Variants in OLFM2 observed in about 807,000 individuals in gnomAD.
OLFM2 encodes the protein olfactomedin 2.
A neutral mutation model predicts 43.9 loss-of-function variants in OLFM2; 20 were observed. The ratio of observed to expected loss-of-function variants is 0.46; its 90% confidence interval spans 0.32 to 0.66. The LOEUF (loss-of-function observed/expected upper bound fraction) is 0.66. Ranked by LOEUF, OLFM2 falls within the 30% of genes least tolerant of loss-of-function variation. The pLI, the probability that OLFM2 is intolerant of heterozygous loss-of-function variation, is 0.04. For synonymous variants in OLFM2, 268 were observed against 278.6 expected (o/e 0.96, Z 0.38); for missense variants, 416 against 643.6 (o/e 0.65, Z 3.83).
chr19:9,922,582 A>C (rs2086427871), intron 1 of OLFM2, among the ~76,000 whole-genome samples: 1 of 152,054 alleles, frequency 6.6e-6, no homozygotes, highest in African/African-American at 2.4e-5. Flanking sequence ...TTTATAAATA[A>C]ACCCACAATG....
intron 1 of OLFM2, among the ~76,000 whole-genome samples, chr19:9,865,499 T>C (rs1488322229): frequency 7.4e-6 from 1 of 135,958 alleles, no homozygotes; most frequent in East Asian, 2.1e-4. Flanking sequence ...TTTTTTTTTT[T>C]TTTTTTTTTT....
chr19:9,904,451 A>T (rs970596223), intron 1 of OLFM2, among the ~76,000 whole-genome samples: 1 of 151,886 alleles, frequency 6.6e-6, no homozygotes, highest in African/African-American at 2.4e-5. Flanking sequence ...TCTGCCTCCC[A>T]AAGTGTTGGG....
chr19:9,867,308 T>C (rs544945663), intron 1 of OLFM2, among the ~76,000 whole-genome samples: 1 of 151,936 alleles, frequency 6.6e-6, no homozygotes, highest in South Asian at 2.1e-4. Flanking sequence ...GAGGCAGAGG[T>C]TGCAGTGAGC....
intron 1 of OLFM2, among the ~76,000 whole-genome samples, chr19:9,923,566 AAAAAGAAAG>A (rs1568387722): frequency 6.6e-6 from 1 of 151,342 alleles, no homozygotes; most frequent in African/African-American, 2.4e-5. Flanking sequence ...GGAAAAAAAA[AAAAAGAAAG>A]AAAAGAAAGA....
rs1018461262 is a variant in OLFM2, at chr19:9,880,671, T to C, written c.64-19877A>G. On this transcript the variant is annotated intron_variant, in intron 1 of 5. Coordinates refer to ENST00000264833, the MANE Select transcript of OLFM2 (RefSeq NM_058164.4). ...CACATAGGAAAAGACCACGTGAAGA[T>C]ACAGTAAGAAGGTGGCCACCTGCAA... is the stretch of plus-strand genomic sequence containing the variant. Among the ~76,000 whole-genome samples, 129 of 151,978 alleles carry C rather than the reference T, an allele frequency of 8.5e-4. 10 individuals carry two copies. Among genetic ancestry groups the C allele is most frequent in the Non-Finnish European group, 1.5e-5 (1 of 67,972 alleles).
At chr19:9,901,011 GAAGGAGGA>G (rs2046731628) in intron 1 of OLFM2, among the ~76,000 whole-genome samples, 2 of 52,032 alleles carry the variant, frequency 3.8e-5, no homozygotes, top group East Asian at 1.5e-3. Context: ...GGGAGGGAGG[GAAGGAGGA>G]AGGGAGGGAA....
At chr19:9,897,545 C>T (rs2144971857) in intron 1 of OLFM2, among the ~76,000 whole-genome samples, 1 of 152,140 alleles carries the variant, frequency 6.6e-6, no homozygotes, top group Admixed American at 6.6e-5. Flanking sequence ...TAAATAAATA[C>T]ACGAATGGAT....
chr19:9,887,819 G>A (rs2046601374), intron 1 of OLFM2, among the ~76,000 whole-genome samples: 1 of 152,086 alleles, frequency 6.6e-6, no homozygotes, highest in South Asian at 2.1e-4. Flanking sequence ...GATCACTTGA[G>A]CCCAGGAGTT....
At chr19:9,914,443 A>G (rs2046858973) in intron 1 of OLFM2, among the ~76,000 whole-genome samples, 1 of 152,074 alleles carries the variant, frequency 6.6e-6, no homozygotes, top group African/African-American at 2.4e-5. Flanking sequence ...GGCGTGATCC[A>G]GGGCCAGCAG....
chr19:9,865,485 CTT>C (rs71188847), intron 1 of OLFM2, among the ~76,000 whole-genome samples: 2 of 73,640 alleles, frequency 2.7e-5, no homozygotes, highest in East Asian at 8.9e-4. Context: ...TCTGTTTTTT[CTT>C]TTTTTTTTTT....
At chr19:9,910,263 AT>A (rs1250427679) in intron 1 of OLFM2, among the ~76,000 whole-genome samples, 6 of 152,108 alleles carry the variant, frequency 3.9e-5, no homozygotes, top group Admixed American at 1.3e-4. Flanking sequence ...AAATTAAATA[AT>A]TTCCCCCAAA....
intron 1 of OLFM2, among the ~76,000 whole-genome samples, chr19:9,875,724 C>G (rs1289085160): frequency 6.6e-6 from 1 of 151,474 alleles, no homozygotes; most frequent in Non-Finnish European, 1.5e-5. Context: ...ATCGCCCTGT[C>G]TCAAACTCCT....
intron 1 of OLFM2, among the ~76,000 whole-genome samples, chr19:9,903,164 G>GA (rs1318079369): frequency 4.6e-5 from 7 of 151,998 alleles, no homozygotes; most frequent in African/African-American, 1.7e-4. Flanking sequence ...AAAGCGCTGA[G>GA]ATAATAGGTA....
intron 1 of OLFM2, among the ~76,000 whole-genome samples, chr19:9,894,464 C>G (rs948633969): frequency 1.3e-5 from 2 of 148,546 alleles, no homozygotes; most frequent in African/African-American, 5.1e-5. Context: ...AATCCCAGCA[C>G]TTTGGGAGGC....
At chr19:9,859,821 A>G (rs1011438593) in intron 2 of OLFM2, among the ~76,000 whole-genome samples, 2 of 151,810 alleles carry the variant, frequency 1.3e-5, no homozygotes, top group African/African-American at 2.4e-5. Flanking sequence ...CCCCAATCCC[A>G]GTAAGTGCTT....
At chr19:9,874,594 C>T (rs1181879561) in intron 1 of OLFM2, among the ~76,000 whole-genome samples, 1 of 152,118 alleles carries the variant, frequency 6.6e-6, no homozygotes, top group African/African-American at 2.4e-5. Context: ...GATTCTCCTG[C>T]CTCAGCCTCC....
intron 1 of OLFM2, among the ~76,000 whole-genome samples, chr19:9,909,640 C>G (rs1310324797): frequency 6.6e-6 from 1 of 152,198 alleles, no homozygotes; most frequent in Non-Finnish European, 1.5e-5. Flanking sequence ...CGCCTCCTGA[C>G]TTTGGGAATC....
intron 2 of OLFM2, among the ~76,000 whole-genome samples, 175 bp downstream of exon 2, chr19:9,860,470 T>C (rs1452105439): frequency 1.9e-5 from 2 of 104,908 alleles, no homozygotes; most frequent in African/African-American, 7.5e-5. Flanking sequence ...AGACCCTGTG[T>C]TAAAAGGAAA....
chr19:9,932,280 T>A (rs894043309), intron 1 of OLFM2, among the ~76,000 whole-genome samples: 1 of 151,646 alleles, frequency 6.6e-6, no homozygotes, highest in Non-Finnish European at 1.5e-5. Flanking sequence ...TGAAACCCTG[T>A]CTCTACTAAA....
Sources: gnomAD v4.1 joint callset for allele counts (sites outside exome capture counted in the v4.1 genomes callset) on GRCh38, gnomAD v4.1.1 for gene constraint, MANE v1.5 for transcripts, NCBI Gene and HGNC (gene_info 2026-07-23, HGNC 2026-07-21) for gene names.